RDX: variants seen among roughly 807,000 people sequenced by gnomAD.
RDX encodes the protein radixin.
In RDX, 32 loss-of-function variants were observed where a neutral mutation model predicts 83.7. The ratio of observed to expected loss-of-function variants is 0.38; its 90% CI spans 0.29 to 0.51. The LOEUF (loss-of-function observed/expected upper bound fraction) is 0.51. Among genes scored for constraint, RDX ranks in the 20% least tolerant of loss-of-function variants. RDX has a pLI of 0.87. For missense variants in RDX, 600 were observed against 689.9 expected (o/e 0.87, Z 1.46); for synonymous variants, 229 against 222.7 (o/e 1.03, Z -0.25).
At chr11:110,227,490 A>G (rs1271666303), downstream of RDX, among the ~76,000 whole-genome samples, 1 of 152,174 alleles carries the variant, frequency 6.6e-6, no homozygotes, top group Non-Finnish European at 1.5e-5. Context: ...TAGGGTGGTA[A>G]AAATAAGTTG....
intron 3 of RDX, among the ~76,000 whole-genome samples, chr11:110,266,887 CCTTG>C (rs1860072144): frequency 7.9e-6 from 1 of 125,946 alleles, no homozygotes; most frequent in Admixed American, 7.6e-5. Flanking sequence ...TGCGCTTGGC[CCTTG>C]GTTTGTTTGT....
At chr11:110,211,561 C>G (rs1863839310) in intron 14 of RDX, among the ~76,000 whole-genome samples, 2 of 151,212 alleles carry the variant, frequency 1.3e-5, no homozygotes, top group African/African-American at 4.9e-5. Flanking sequence ...ACACCTATTC[C>G]AAAATTGACC....
chr11:110,285,753 A>AAATATATT (rs1048472490), intron 1 of RDX, among the ~76,000 whole-genome samples: 1 of 150,838 alleles, frequency 6.6e-6, no homozygotes, highest in African/African-American at 2.4e-5. Context: ...TCTAGTCTAT[A>AAATATATT]AATATATTAG....
chr11:110,252,038 C>T (rs1394772496), intron 9 of RDX, among the ~76,000 whole-genome samples: 1 of 152,172 alleles, frequency 6.6e-6, no homozygotes, highest in Admixed American at 6.6e-5. Context: ...GCTGCCATTT[C>T]TCTCTCTCTG....
chr11:110,237,438 G>C, intron 11 of RDX, 54 bp downstream of exon 11: 1 of 1,553,480 alleles, frequency 6.4e-7, no homozygotes, highest in African/African-American at 1.4e-5. Flanking sequence ...TTTTTTAGAG[G>C]GTTCACTCTA....
At chr11:110,190,143 T>C (rs117531435) in intron 15 of RDX, among the ~76,000 whole-genome samples, 1,581 of 152,310 alleles carry the variant, frequency 0.01, 36 homozygotes, top group Non-Finnish European at 9.5e-3. Context: ...ATTTCTGTGA[T>C]GCAACAAAAG....
At chr11:110,265,376 G>T (rs1432394599) in intron 3 of RDX, among the ~76,000 whole-genome samples, 1 of 151,948 alleles carries the variant, frequency 6.6e-6, no homozygotes, top group Admixed American at 6.6e-5. Flanking sequence ...ATAGGCGTAA[G>T]CCACTGCACC....
chr11:110,234,470 A>G (rs1473186513), intron 12 of RDX, among the ~76,000 whole-genome samples: 1 of 152,222 alleles, frequency 6.6e-6, no homozygotes, highest in Non-Finnish European at 1.5e-5. Context: ...ATGAAATAGT[A>G]CATACAGTAA....
chr11:110,225,325 G>T (rs1449531074), downstream of RDX, among the ~76,000 whole-genome samples: 1 of 152,092 alleles, frequency 6.6e-6, no homozygotes, highest in East Asian at 1.9e-4. Context: ...TGGGAAAAAA[G>T]ATTTGGAACT....
intron 5 of RDX, among the ~76,000 whole-genome samples, chr11:110,259,067 G>A (rs572951489): frequency 7.2e-5 from 11 of 152,100 alleles, no homozygotes; most frequent in South Asian, 4.2e-4. Context: ...ACAGGCGTGC[G>A]CCATAATGCC....
At chr11:110,225,291 C>T (rs1290513171), downstream of RDX, among the ~76,000 whole-genome samples, 1 of 152,044 alleles carries the variant, frequency 6.6e-6, no homozygotes, top group Non-Finnish European at 1.5e-5. Flanking sequence ...TACACTATAT[C>T]AAGGGCAAAA....
intron 1 of RDX, among the ~76,000 whole-genome samples, chr11:110,295,600 A>C (rs1436053516): frequency 1.3e-5 from 2 of 151,498 alleles, no homozygotes; most frequent in Non-Finnish European, 2.9e-5. Flanking sequence ...TGTCTGAAGA[A>C]ACATGACATC....
chr11:110,188,418 G>A (rs747518230), intron 15 of RDX, among the ~76,000 whole-genome samples: 9 of 151,950 alleles, frequency 5.9e-5, no homozygotes, highest in East Asian at 5.8e-4. Flanking sequence ...ATGGAAAAGC[G>A]AACATCGTAT....
chr11:110,247,922 A>T (rs1347643223), intron 9 of RDX, 89 bp from the exon 10 acceptor site: 2 of 1,444,290 alleles, frequency 1.4e-6, no homozygotes, highest in East Asian at 5.0e-5. Context: ...AAAAGTAACA[A>T]AATAATGTCT....
At chr11:110,280,300 G>A (rs1314540893) in intron 1 of RDX, among the ~76,000 whole-genome samples, 1 of 152,004 alleles carries the variant, frequency 6.6e-6, no homozygotes, top group African/African-American at 2.4e-5. Context: ...CTGGAGTACA[G>A]TGGTAACACC....
rs1565305499 is a variant in RDX, at chr11:110,233,472, G to A, written c.1352C>T (p.Ala451Val). The change falls in exon 13 of 14, where the codon GCA becomes GTA. Residue 451 changes from alanine to valine, a missense_variant. Ala to Val is a moderately conservative substitution (Grantham distance 64, BLOSUM62 0). Coordinates refer to ENST00000645495, the MANE Select transcript of RDX (RefSeq NM_002906.4). ...GGTCTTTTCCAAGTCTTCCTGGGCTGCAAAAGCCTGAACATTAAAAATACG... is the reference window on the plus strand; with the variant it reads ...GGTCTTTTCCAAGTCTTCCTGGGCTACAAAAGCCTGAACATTAAAAATACG... ...EATEWQHKAFAAQEDLEKTKE... is the reference protein window; with the variant it reads ...EATEWQHKAFVAQEDLEKTKE... The A allele has an allele frequency of 6.2e-7, 1 of 1,613,966 alleles. No individual in the cohort carries two copies. The highest frequency in any genetic ancestry group is 1.3e-5 in the African/African-American group (1 of 75,004).
chr11:110,264,728 TAACTTC>T, intron 4 of RDX, 45 bp downstream of exon 4: 1 of 1,340,404 alleles, frequency 7.5e-7, no homozygotes, highest in Non-Finnish European at 1.0e-6. Flanking sequence ...CACAAATTCA[TAACTTC>T]AACTTAACAT....
intron 10 of RDX, among the ~76,000 whole-genome samples, chr11:110,243,414 A>G (rs572986198): frequency 2.6e-5 from 4 of 152,316 alleles, no homozygotes; most frequent in African/African-American, 9.6e-5. Flanking sequence ...AACACTAGTA[A>G]CAGGAATAAA....
chr11:110,186,246 C>A (rs10891073), intron 15 of RDX, among the ~76,000 whole-genome samples: 3 of 151,988 alleles, frequency 2.0e-5, no homozygotes, highest in South Asian at 2.1e-4. Flanking sequence ...CAATGATAAA[C>A]ACACACTGCA....
Sources: allele counts gnomAD v4.1 joint callset (sites outside exome capture counted in the v4.1 genomes callset), GRCh38; gene constraint gnomAD v4.1.1; transcripts MANE v1.5; gene names NCBI Gene and HGNC (gene_info 2026-07-23, HGNC 2026-07-21).